NR6A1: variants seen among roughly 807,000 people sequenced by gnomAD.
NR6A1 encodes nuclear receptor subfamily 6 group A member 1, also known as retinoic acid receptor-related testis-associated receptor.
Under a neutral mutation model 59.1 loss-of-function variants are expected in NR6A1, and 7 were observed. That is an observed-to-expected ratio of 0.12 (90% confidence interval 0.07 to 0.22). NR6A1 has a LOEUF of 0.22. NR6A1 is among the 10% of genes least tolerant of loss of function. NR6A1 has a pLI of 1.00. For missense variants in NR6A1, 468 were observed against 611.6 expected, an observed-to-expected ratio of 0.77 and a Z score of 2.48; for synonymous variants, 243 against 236.1, an observed-to-expected ratio of 1.03 and a Z score of -0.27.
chr9:124,543,509 C>G (rs1179095486), intron 4 of NR6A1, among the ~76,000 whole-genome samples: 1 of 152,128 alleles, frequency 6.6e-6, no homozygotes, highest in Non-Finnish European at 1.5e-5. Context: ...TATCTATAAC[C>G]TTAAGGACTG....
intron 2 of NR6A1, chr9:124,598,807 G>A: frequency 2.3e-6 from 2 of 860,826 alleles, no homozygotes; most frequent in Non-Finnish European, 3.9e-6. Context: ...CTTTTTTGCC[G>A]GATCTTTTCT....
chr9:124,672,012 T>C (rs914245857), intron 2 of NR6A1, among the ~76,000 whole-genome samples: 8 of 152,212 alleles, frequency 5.3e-5, no homozygotes, highest in Non-Finnish European at 1.0e-4. Context: ...CTCTATCATC[T>C]AGTTTTGTCT....
intron 2 of NR6A1, among the ~76,000 whole-genome samples, chr9:124,574,455 C>T (rs1255479845): frequency 1.3e-5 from 2 of 152,210 alleles, no homozygotes; most frequent in Non-Finnish European, 2.9e-5. Flanking sequence ...TGCATTTTTA[C>T]AGTAACTTTC....
intron 2 of NR6A1, among the ~76,000 whole-genome samples, chr9:124,627,930 G>A (rs1301874377): frequency 5.9e-5 from 7 of 117,976 alleles, no homozygotes; most frequent in African/African-American, 2.1e-4. Flanking sequence ...GCAACAGAAA[G>A]TACAGTGGTC....
intron 3 of NR6A1, among the ~76,000 whole-genome samples, chr9:124,544,478 G>C (rs574059840): frequency 6.6e-6 from 1 of 152,044 alleles, no homozygotes; most frequent in African/African-American, 2.4e-5. Flanking sequence ...CACTTAATAC[G>C]GGGGGCATAG....
chr9:124,670,394 A>G (rs1235084415), intron 2 of NR6A1, among the ~76,000 whole-genome samples: 1 of 152,194 alleles, frequency 6.6e-6, no homozygotes, highest in Non-Finnish European at 1.5e-5. Flanking sequence ...TTCAAAGAAC[A>G]AAAAACAAAA....
intron 2 of NR6A1, among the ~76,000 whole-genome samples, chr9:124,726,002 T>G (rs1481645986): frequency 1.3e-5 from 2 of 152,186 alleles, no homozygotes; most frequent in Non-Finnish European, 1.5e-5. Context: ...GAAGGGTTTT[T>G]AACAGAAATG....
intron 2 of NR6A1, among the ~76,000 whole-genome samples, chr9:124,606,054 G>A (rs910554469): frequency 6.6e-6 from 1 of 151,984 alleles, no homozygotes; most frequent in Non-Finnish European, 1.5e-5. Context: ...AACCTTTCAC[G>A]GCCTTCAGAA....
intron 4 of NR6A1, among the ~76,000 whole-genome samples, chr9:124,541,742 G>T (rs1833454278): frequency 6.6e-6 from 1 of 152,204 alleles, no homozygotes; most frequent in Admixed American, 6.5e-5. Flanking sequence ...CACGTTCACT[G>T]CAGCATTATT....
intron 2 of NR6A1, among the ~76,000 whole-genome samples, chr9:124,620,156 G>T (rs1035087373): frequency 2.0e-4 from 31 of 151,910 alleles, no homozygotes; most frequent in Non-Finnish European, 4.1e-4. Context: ...CAATATAAAT[G>T]AATATATATA....
At chr9:124,523,436 A>G (rs1271381895) in intron 9 of NR6A1, among the ~76,000 whole-genome samples, 2 of 152,070 alleles carry the variant, frequency 1.3e-5, no homozygotes, top group African/African-American at 4.8e-5. Context: ...TGACCTGGGG[A>G]GCCGTTCGAA....
chr9:124,765,585 G>T (rs1840910421), intron 1 of NR6A1, among the ~76,000 whole-genome samples: 2 of 152,112 alleles, frequency 1.3e-5, no homozygotes, highest in Admixed American at 1.3e-4. Context: ...AACCACTGTA[G>T]CTTGGGGATC....
intron 7 of NR6A1, among the ~76,000 whole-genome samples, chr9:124,528,752 C>A (rs916356238): frequency 6.6e-6 from 1 of 151,570 alleles, no homozygotes; most frequent in Non-Finnish European, 1.5e-5. Context: ...AACCAACCAA[C>A]CAAAAAACCT....
intron 1 of NR6A1, among the ~76,000 whole-genome samples, chr9:124,734,630 T>G (rs1474803426): frequency 6.6e-6 from 1 of 150,864 alleles, no homozygotes. Flanking sequence ...GAGGTGGAGG[T>G]TGCAGTGAGC....
intron 2 of NR6A1, among the ~76,000 whole-genome samples, chr9:124,640,518 G>A (rs753832854): frequency 1.2e-4 from 18 of 152,036 alleles, no homozygotes; most frequent in Non-Finnish European, 2.5e-4. Flanking sequence ...TCCTACCTCA[G>A]CCTCCCAAGT....
At chr9:124,761,872 A>G (rs955481877) in intron 1 of NR6A1, among the ~76,000 whole-genome samples, 1 of 152,344 alleles carries the variant, frequency 6.6e-6, no homozygotes, top group Middle Eastern at 3.4e-3. Flanking sequence ...CCACAAGACA[A>G]TTATCAGTTA....
chr9:124,616,012 A>G (rs974235691), intron 2 of NR6A1, among the ~76,000 whole-genome samples: 2 of 152,002 alleles, frequency 1.3e-5, no homozygotes, highest in African/African-American at 2.4e-5. Flanking sequence ...GGCGTGAGTC[A>G]CCACGCCCAG....
At chr9:124,652,911 C>A (rs1564219708) in intron 2 of NR6A1, among the ~76,000 whole-genome samples, 1 of 152,170 alleles carries the variant, frequency 6.6e-6, no homozygotes, top group South Asian at 2.1e-4. Context: ...CAGAGAGGGA[C>A]CAACAACTCC....
intron 9 of NR6A1, among the ~76,000 whole-genome samples, chr9:124,523,094 G>T (rs777686292): frequency 2.0e-5 from 3 of 152,146 alleles, no homozygotes; most frequent in Non-Finnish European, 4.4e-5. Context: ...CTATTTCTGT[G>T]TACTACTTTT....
Sources: gnomAD v4.1 joint callset for allele counts (sites outside exome capture counted in the v4.1 genomes callset) on GRCh38, gnomAD v4.1.1 for gene constraint, MANE v1.5 for transcripts, NCBI Gene and HGNC (gene_info 2026-07-23, HGNC 2026-07-21) for gene names.